GPD2: variants seen among roughly 807,000 people sequenced by gnomAD.
GPD2 encodes glycerol-3-phosphate dehydrogenase 2, also known as glycerol-3-phosphate dehydrogenase, mitochondrial.
GPD2 carries 54 observed loss-of-function variants against 82.4 expected under a neutral mutation model. The ratio of observed to expected loss-of-function variants is 0.66; its 90% CI spans 0.53 to 0.82. The LOEUF (loss-of-function observed/expected upper bound fraction) is 0.82. Ranked by LOEUF, GPD2 falls within the 40% of genes least tolerant of loss-of-function variation. The pLI, the probability that GPD2 is intolerant of heterozygous loss-of-function variation, is 0.00. For missense variants in GPD2, 748 were observed against 896.2 expected (o/e 0.83, Z 2.11); for synonymous variants, 288 against 306.1 (o/e 0.94, Z 0.62).
chr2:156,486,523 G>A (rs545104241), intron 2 of GPD2, among the ~76,000 whole-genome samples: 3 of 152,182 alleles, frequency 2.0e-5, no homozygotes, highest in Non-Finnish European at 4.4e-5. Context: ...TAGGGATGTT[G>A]TAGACGGAGG....
intron 13 of GPD2, among the ~76,000 whole-genome samples, chr2:156,577,332 T>C (rs564326369): frequency 6.6e-6 from 1 of 151,888 alleles, no homozygotes; most frequent in African/African-American, 2.4e-5. Flanking sequence ...CAAATAATAA[T>C]AATAAAAAAT....
chr2:156,576,243 A>T (rs917011401), intron 13 of GPD2, among the ~76,000 whole-genome samples: 94 of 152,320 alleles, frequency 6.2e-4, no homozygotes, highest in African/African-American at 2.2e-3. Flanking sequence ...TAGATTGATG[A>T]TGCTGATAGT....
intron 1 of GPD2, among the ~76,000 whole-genome samples, chr2:156,467,753 T>A (rs749750600): frequency 2.0e-5 from 3 of 152,182 alleles, no homozygotes; most frequent in Non-Finnish European, 2.9e-5. Context: ...GAATTCACCT[T>A]CAGTTTACAG....
At chr2:156,458,274 G>A (rs1341096375) in intron 1 of GPD2, among the ~76,000 whole-genome samples, 1 of 152,180 alleles carries the variant, frequency 6.6e-6, no homozygotes, top group East Asian at 1.9e-4. Flanking sequence ...GGCCCCCTGG[G>A]TGTGTTAACT....
chr2:156,405,344 C>A, the GPD2 span, among the ~76,000 whole-genome samples: 1 of 152,054 alleles, frequency 6.6e-6, no homozygotes, highest in Non-Finnish European at 1.5e-5. Context: ...TTAGATCAAC[C>A]CCAGGAGAAA....
rs1455933211 is a variant in GPD2 at position 156,436,477 on chromosome 2, T to G, written c.-45T>G. 6.6e-6 allele frequency: 1 copy of G among 152,278 alleles called. No individual in the cohort carries two copies. Among genetic ancestry groups the G allele is most frequent in the Non-Finnish European group, 1.5e-5 (1 of 68,158 alleles). The allele number at this position is 152,278 out of a possible 1,614,324, so 9.4% of individuals were successfully genotyped here. ...CCTGGCTGGAGGAACTGGGTGCTCCTGCCCGCTGGCCCCTCGCGCGTGAGG... is the reference window on the plus strand; with the variant it reads ...CCTGGCTGGAGGAACTGGGTGCTCCGGCCCGCTGGCCCCTCGCGCGTGAGG... On this transcript the variant is annotated 5_prime_UTR_variant, in exon 1 of 17. Coordinates refer to ENST00000438166, the MANE Select transcript of GPD2 (RefSeq NM_000408.5).
At chr2:156,476,565 T>C (rs1683520757) in intron 2 of GPD2, among the ~76,000 whole-genome samples, 1 of 152,210 alleles carries the variant, frequency 6.6e-6, no homozygotes, top group Non-Finnish European at 1.5e-5. Flanking sequence ...GTTTGTCTTA[T>C]TAGAAGGCAG....
intron 1 of GPD2, among the ~76,000 whole-genome samples, chr2:156,452,698 A>T (rs747616637): frequency 4.6e-5 from 7 of 152,228 alleles, no homozygotes; most frequent in African/African-American, 1.7e-4. Flanking sequence ...GTGAATTTCT[A>T]TGCTGACAAA....
intron 1 of GPD2, among the ~76,000 whole-genome samples, chr2:156,453,891 A>G (rs1042983995): frequency 5.9e-5 from 9 of 152,174 alleles, no homozygotes; most frequent in African/African-American, 2.2e-4. Flanking sequence ...ACAAAAAACA[A>G]AACAAAAAAG....
rs533729241 is a variant in GPD2, at chr2:156,439,148, A to G, written c.-9+2635A>G. ...AAATGATCTTTCTGTTGAAAATTATATGGGAAATCTTCAGTAAAATTCTGC... is the reference window on the plus strand; with the variant it reads ...AAATGATCTTTCTGTTGAAAATTATGTGGGAAATCTTCAGTAAAATTCTGC... On this transcript the variant is annotated intron_variant, in intron 1 of 16. Transcript: ENST00000438166. Among the ~76,000 whole-genome samples the G allele has an allele frequency of 2.6e-5, 4 of 152,346 alleles. No homozygotes were observed. In the South Asian group the frequency reaches 8.3e-4, roughly 32 times the overall value.
the GPD2 span, among the ~76,000 whole-genome samples, chr2:156,400,798 C>T: frequency 6.6e-6 from 1 of 152,224 alleles, no homozygotes; most frequent in Non-Finnish European, 1.5e-5. Context: ...AGAGCGCGCG[C>T]TTCGCATGTG....
At chr2:156,492,444 CTTTT>C (rs79707384) in intron 2 of GPD2, among the ~76,000 whole-genome samples, 1 of 131,870 alleles carries the variant, frequency 7.6e-6, no homozygotes, top group African/African-American at 2.8e-5. Flanking sequence ...TGCACCTGGC[CTTTT>C]TTTTTTTTTT....
intron 1 of GPD2, among the ~76,000 whole-genome samples, chr2:156,465,170 A>G (rs1683109006): frequency 6.6e-6 from 1 of 152,132 alleles, no homozygotes; most frequent in African/African-American, 2.4e-5. Flanking sequence ...TTTTCTTACA[A>G]AACATTTTAC....
At chr2:156,431,494 T>G (rs1360952139), upstream of GPD2, among the ~76,000 whole-genome samples, 1 of 152,202 alleles carries the variant, frequency 6.6e-6, no homozygotes, top group East Asian at 1.9e-4. Flanking sequence ...TGCTTTTTTT[T>G]TTCAATATTG....
At chr2:156,458,621 T>C (rs2105170176) in intron 1 of GPD2, among the ~76,000 whole-genome samples, 1 of 152,364 alleles carries the variant, frequency 6.6e-6, no homozygotes, top group South Asian at 2.1e-4. Flanking sequence ...AGTATTCTTT[T>C]TCTTTTTCTA....
chr2:156,503,094 G>A (rs1684650738), intron 3 of GPD2, among the ~76,000 whole-genome samples: 1 of 152,086 alleles, frequency 6.6e-6, no homozygotes, highest in South Asian at 2.1e-4. Context: ...TGAGACAAGT[G>A]GTGCCTTGGC....
chr2:156,564,663 G>A (rs1574006274), intron 9 of GPD2, among the ~76,000 whole-genome samples: 1 of 151,944 alleles, frequency 6.6e-6, no homozygotes. Flanking sequence ...AGGTTGGGAG[G>A]GGAACTGTTG....
At chr2:156,463,421 A>G (rs564282883) in intron 1 of GPD2, among the ~76,000 whole-genome samples, 107 of 152,344 alleles carry the variant, frequency 7.0e-4, no homozygotes, top group African/African-American at 2.4e-3. Flanking sequence ...CATGAATGCA[A>G]GTTTTAATTA....
At chr2:156,486,663 T>A (rs1455425942) in intron 2 of GPD2, among the ~76,000 whole-genome samples, 1 of 152,226 alleles carries the variant, frequency 6.6e-6, no homozygotes, top group African/African-American at 2.4e-5. Flanking sequence ...AATAGATGAT[T>A]TAAATAGAAG....
Sources: gnomAD v4.1 joint callset for allele counts (sites outside exome capture counted in the v4.1 genomes callset) on GRCh38, gnomAD v4.1.1 for gene constraint, MANE v1.5 for transcripts, NCBI Gene and HGNC (gene_info 2026-07-23, HGNC 2026-07-21) for gene names.